Variants in ANKRD26 observed in about 807,000 individuals in gnomAD.
ANKRD26 encodes the protein ankyrin repeat domain-containing protein 26.
Under a neutral mutation model 208.7 loss-of-function variants are expected in ANKRD26, and 141 were observed. The ratio of observed to expected loss-of-function variants is 0.68; its 90% CI spans 0.59 to 0.78. The LOEUF is 0.78. ANKRD26 is among the 30% of genes least tolerant of loss of function. The pLI, the probability that ANKRD26 is intolerant of heterozygous loss-of-function variation, is 0.00. For missense variants in ANKRD26, 1,889 were observed against 1,938.7 expected, an observed-to-expected ratio of 0.97 and a Z score of 0.48; for synonymous variants, 636 against 660.4, an observed-to-expected ratio of 0.96 and a Z score of 0.57.
intron 33 of ANKRD26, 124 bp downstream of exon 33, chr10:27,006,793 G>T (rs1445212175): frequency 4.5e-5 from 34 of 760,390 alleles, no homozygotes; most frequent in Non-Finnish European, 7.6e-5. Context: ...ATGTGTGTAA[G>T]AAAGAACATT....
chr10:27,045,772 T>A (rs765168647), intron 18 of ANKRD26, among the ~76,000 whole-genome samples: 1 of 152,164 alleles, frequency 6.6e-6, no homozygotes, highest in Non-Finnish European at 1.5e-5. Flanking sequence ...TTTTTTAAAA[T>A]CCATATATGA....
Position 27,100,072 on chromosome 10 carries a change from C to A in ANKRD26, c.242+13G>T, listed in dbSNP as rs150738393. 330 of 1,613,548 alleles carry A rather than the reference C, an allele frequency of 2.0e-4. 3 individuals carry two copies. The African/African-American group carries it at 3.7e-3, about 18-fold the overall frequency. ...TCCAGTGGCACTCAGTCCGGGCTTG[C>A]GACGCCTATTACCTGTTCATCTTGT... On this transcript the variant is annotated intron_variant, in intron 1 of 33. Transcript: ENST00000376087.
intron 1 of ANKRD26, among the ~76,000 whole-genome samples, chr10:27,096,881 G>A (rs1039306961): frequency 5.3e-5 from 8 of 150,922 alleles, no homozygotes; most frequent in African/African-American, 1.5e-4. Flanking sequence ...AAAATACTAC[G>A]CACTTACATT....
At chr10:27,099,947 C>T in intron 1 of ANKRD26, 138 bp downstream of exon 1, 1 of 1,400,272 alleles carries the variant, frequency 7.1e-7, no homozygotes, top group Non-Finnish European at 9.9e-7. Flanking sequence ...CGCTGGAGCC[C>T]TGCAAGGTGT....
chr10:26,950,206 G>A, the ANKRD26 span, among the ~76,000 whole-genome samples: 513 of 152,266 alleles, frequency 3.4e-3, 2 homozygotes, highest in Middle Eastern at 0.01. Flanking sequence ...TCTTGTGATA[G>A]TGAGAGAGTT....
At chr10:26,973,094 G>A (rs12412695), downstream of ANKRD26, among the ~76,000 whole-genome samples, 1,769 of 152,056 alleles carry the variant, frequency 0.012, 121 homozygotes, top group Admixed American at 0.099. Flanking sequence ...TTCTGGCCTC[G>A]ATATATACCT....
At position 27,044,305 on chromosome 10, in the gene ANKRD26, CAT is replaced by C. The variant is rs71386904; in HGVS notation, c.1986-117_1986-116del. ...GCATTTGTAATTTATTTACCCTATTCATAAAGTTTACAGGAATCTTTTTTACA... is the reference window on the plus strand; with the variant it reads ...GCATTTGTAATTTATTTACCCTATTCAAAGTTTACAGGAATCTTTTTTACA... On this transcript the variant is annotated intron_variant, in intron 18 of 33. Coordinates refer to ENST00000376087, the MANE Select transcript of ANKRD26 (RefSeq NM_014915.3). The C allele has an allele frequency of 2.1e-3, 2,036 of 947,716 alleles. 8 individuals are homozygous for C. Among genetic ancestry groups the C allele is most frequent in the Non-Finnish European group, 2.8e-3 (1,912 of 678,862 alleles). 58.7% of individuals were successfully genotyped at this position (947,716 alleles called of 1,614,324 possible).
At chr10:26,962,393 G>C in the ANKRD26 span, among the ~76,000 whole-genome samples, 5 of 151,964 alleles carry the variant, frequency 3.3e-5, no homozygotes, top group Non-Finnish European at 7.4e-5. Context: ...GGGCCAACAT[G>C]GTGAAACCCT....
intron 21 of ANKRD26, among the ~76,000 whole-genome samples, chr10:27,038,596 A>T (rs574954838): frequency 2.0e-5 from 3 of 151,742 alleles, no homozygotes; most frequent in Admixed American, 6.6e-5. Flanking sequence ...TGTTGCAGTG[A>T]GCCGAGATTG....
intron 9 of ANKRD26, among the ~76,000 whole-genome samples, chr10:27,072,649 C>G (rs2135541690): frequency 6.6e-6 from 1 of 152,300 alleles, no homozygotes; most frequent in Middle Eastern, 3.4e-3. Flanking sequence ...AGCGCCACCT[C>G]CTGGCTAAAA....
intron 5 of ANKRD26, among the ~76,000 whole-genome samples, chr10:27,086,155 A>G (rs2056108089): frequency 6.6e-6 from 1 of 152,156 alleles, no homozygotes; most frequent in South Asian, 2.1e-4. Flanking sequence ...CATTTAATAA[A>G]CACAAACCAT....
At chr10:27,076,265 G>GT (rs199989309) in intron 9 of ANKRD26, among the ~76,000 whole-genome samples, 16,541 of 141,004 alleles carry the variant, frequency 0.12, 2,911 homozygotes, top group African/African-American at 0.39. Flanking sequence ...TGTTTGTTTG[G>GT]TTTTTTTTTT....
chr10:26,991,204 A>C (rs2052479835), downstream of ANKRD26, among the ~76,000 whole-genome samples: 1 of 152,198 alleles, frequency 6.6e-6, no homozygotes, highest in African/African-American at 2.4e-5. Context: ...CCAAGCCAGT[A>C]CCAAGCACCA....
chr10:26,958,416 A>AT, the ANKRD26 span, among the ~76,000 whole-genome samples: 5 of 152,130 alleles, frequency 3.3e-5, no homozygotes, highest in East Asian at 9.6e-4. Context: ...CCCAACATCC[A>AT]TTAGCTATTC....
rs1182399189 is a variant in ANKRD26, at chr10:27,017,553, T to C, written c.4455A>G (p.Arg1485=). 2 of 1,613,640 alleles carry C rather than the reference T, an allele frequency of 1.2e-6. No individual in the cohort carries two copies. The highest frequency in any genetic ancestry group is 2.2e-5 in the East Asian group (1 of 44,784). The change falls in exon 30 of 34, where the codon AGA becomes AGG. Residue 1485 remains arginine, a synonymous_variant. Transcript: ENST00000376087. ...ATTTTTCTGCTATTTCCTGTCTTGC[T>C]CTTTCTTCAATCTCCTGTTTATACT... is the stretch of plus-strand genomic sequence containing the variant. ...VKQYKQEIEE[R]ARQEIAEKLK...
intron 28 of ANKRD26, 66 bp from the exon 29 acceptor site, chr10:27,022,753 CAG>C: frequency 2.1e-6 from 3 of 1,414,554 alleles, no homozygotes; most frequent in South Asian, 1.2e-5. Flanking sequence ...ATTATTTAAA[CAG>C]ATATTATGTT....
At chr10:26,993,007 C>T (rs1236989987) in intron 5 of ANKRD26, among the ~76,000 whole-genome samples, 1 of 152,170 alleles carries the variant, frequency 6.6e-6, no homozygotes, top group Non-Finnish European at 1.5e-5. Context: ...CAAAGAGATA[C>T]TCATGTGTCT....
chr10:27,062,931 C>T (rs1378315949), intron 12 of ANKRD26, among the ~76,000 whole-genome samples: 2 of 152,048 alleles, frequency 1.3e-5, no homozygotes, highest in Non-Finnish European at 2.9e-5. Context: ...CCATGCCTGG[C>T]TAATGTTTGT....
intron 4 of ANKRD26, among the ~76,000 whole-genome samples, chr10:26,997,001 G>A (rs1415436182): frequency 6.6e-6 from 1 of 151,664 alleles, no homozygotes; most frequent in East Asian, 1.9e-4. Context: ...TGTTTTGTTT[G>A]TTTTGGGTTG....
Sources: gnomAD v4.1 joint callset for allele counts (sites outside exome capture counted in the v4.1 genomes callset) on GRCh38, gnomAD v4.1.1 for gene constraint, MANE v1.5 for transcripts, NCBI Gene and HGNC (gene_info 2026-07-23, HGNC 2026-07-21) for gene names.